The following MTMR7 variants were observed in gnomAD, a reference collection of about 807,000 sequenced individuals.
MTMR7 encodes the protein phosphatidylinositol-3-phosphate phosphatase MTMR7.
MTMR7 carries 76 observed loss-of-function variants against 81.2 expected under a neutral mutation model. The observed-to-expected ratio is 0.94, with a 90% CI of 0.78 to 1.13. The LOEUF (loss-of-function observed/expected upper bound fraction) is 1.13. MTMR7 is among the 50% of genes most tolerant of loss of function. The pLI is 0.00. For missense variants in MTMR7, 1,044 were observed against 820.0 expected (o/e 1.27, Z -3.34); for synonymous variants, 372 against 289.8 (o/e 1.28, Z -2.88).
intron 6 of MTMR7, among the ~76,000 whole-genome samples, chr8:17,336,905 G>A (rs1037003853): frequency 9.9e-5 from 15 of 152,178 alleles, no homozygotes; most frequent in African/African-American, 3.1e-4. Flanking sequence ...ATGGTCAAAC[G>A]GAGCGAGTGT....
At chr8:17,351,126 A>T (rs187326491) in intron 4 of MTMR7, among the ~76,000 whole-genome samples, 18 of 152,362 alleles carry the variant, frequency 1.2e-4, no homozygotes, top group African/African-American at 4.3e-4. Context: ...CAGACCAACA[A>T]CATTTTCCTA....
intron 7 of MTMR7, among the ~76,000 whole-genome samples, chr8:17,325,303 T>C (rs1818626361): frequency 1.3e-5 from 2 of 152,054 alleles, no homozygotes; most frequent in African/African-American, 4.8e-5. Context: ...CCACGACAAC[T>C]CCAAGTGCTC....
At chr8:17,325,593 G>C (rs983615360) in intron 7 of MTMR7, among the ~76,000 whole-genome samples, 1 of 152,156 alleles carries the variant, frequency 6.6e-6, no homozygotes, top group Non-Finnish European at 1.5e-5. Context: ...CTGACGCGGG[G>C]CCTGCGTCCC....
chr8:17,378,645 T>A (rs985315035), intron 1 of MTMR7, among the ~76,000 whole-genome samples: 10 of 152,220 alleles, frequency 6.6e-5, no homozygotes, highest in African/African-American at 2.4e-4. Flanking sequence ...ATACGAGGTA[T>A]TCATACTCTG....
chr8:17,355,312 A>C (rs1819857805), intron 4 of MTMR7, among the ~76,000 whole-genome samples: 1 of 152,186 alleles, frequency 6.6e-6, no homozygotes, highest in African/African-American at 2.4e-5. Flanking sequence ...TGATTACATG[A>C]GTCAGATACT....
chr8:17,331,183 C>T lies in MTMR7; in HGVS notation c.832G>A (p.Val278Ile), dbSNP rs1356144241. ...ATTTTCTGCAGACTGTTCCTCATGA[C>T]ATGGATGTTCTCTATCCCGATAAAC... is the stretch of plus-strand genomic sequence containing the variant. Reference protein sequence around the residue: ...FQFIGIENIHVMRNSLQKMLE... With the variant: ...FQFIGIENIHIMRNSLQKMLE... The change falls in exon 7 of 14, where the codon GTC becomes ATC. Residue 278 changes from valine to isoleucine, a missense_variant. Coordinates refer to ENST00000180173, the MANE Select transcript of MTMR7 (RefSeq NM_004686.5). 6.2e-6 allele frequency: 10 copies of T among 1,612,658 alleles called. No individual in the cohort carries two copies. The highest frequency in any genetic ancestry group is 8.5e-6 in the Non-Finnish European group (10 of 1,179,626).
intron 12 of MTMR7, among the ~76,000 whole-genome samples, chr8:17,303,871 A>G (rs1409338800): frequency 6.6e-6 from 1 of 152,222 alleles, no homozygotes; most frequent in African/African-American, 2.4e-5. Flanking sequence ...CGGCTAATAC[A>G]TACAATCTTA....
At chr8:17,399,302 A>T (rs1179248713) in intron 1 of MTMR7, among the ~76,000 whole-genome samples, 3 of 152,214 alleles carry the variant, frequency 2.0e-5, no homozygotes, top group Non-Finnish European at 4.4e-5. Flanking sequence ...TACGAAATCA[A>T]AATACGAAAA....
intron 4 of MTMR7, 133 bp downstream of exon 4, chr8:17,360,984 G>C (rs981270199): frequency 3.0e-6 from 3 of 1,011,692 alleles, no homozygotes; most frequent in African/African-American, 3.2e-5. Flanking sequence ...CACTAACCAA[G>C]AGAGACCTGG....
chr8:17,397,711 G>T (rs906492758), intron 1 of MTMR7, among the ~76,000 whole-genome samples: 1 of 152,124 alleles, frequency 6.6e-6, no homozygotes, highest in Non-Finnish European at 1.5e-5. Context: ...TGGAGCCCTA[G>T]GGCCTTAAGT....
In MTMR7 at chr8:17,406,796, G is replaced by T. The variant is rs183695279; in HGVS notation, c.24+6473C>A. Among the ~76,000 whole-genome samples the T allele has an allele frequency of 1.8e-4, 28 of 152,216 alleles. No individual in the cohort carries two copies. In the East Asian group the frequency reaches 4.8e-3, roughly 26 times the overall value. On this transcript the variant is annotated intron_variant, in intron 1 of 13. Transcript: ENST00000180173. ...AGCCACAGAACAGATAAAACGAAAT[G>T]AAGTACTGATACATGCTACAACTTA... is the stretch of plus-strand genomic sequence containing the variant.
chr8:17,398,817 A>G (rs1227147307), intron 1 of MTMR7, among the ~76,000 whole-genome samples: 4 of 136,744 alleles, frequency 2.9e-5, no homozygotes, highest in Admixed American at 7.5e-5. Flanking sequence ...AGTTAAAAAG[A>G]AGGGGATATG....
chr8:17,332,712 A>C (rs1052017861), intron 6 of MTMR7, among the ~76,000 whole-genome samples: 5 of 152,252 alleles, frequency 3.3e-5, no homozygotes, highest in African/African-American at 1.2e-4. Flanking sequence ...CGAACCATTA[A>C]GTCAGAGACC....
chr8:17,382,301 G>A (rs1031515699), intron 1 of MTMR7, among the ~76,000 whole-genome samples: 1 of 152,178 alleles, frequency 6.6e-6, no homozygotes, highest in African/African-American at 2.4e-5. Context: ...CAGCCTGGAG[G>A]AACAAGCTGC....
chr8:17,296,804 C>G lies in MTMR7; in HGVS notation c.*3058G>C, dbSNP rs1053494349. 4 of 152,120 alleles carry G rather than the reference C, an allele frequency of 2.6e-5. No homozygotes were observed. The allele number at this position is 152,120 out of a possible 1,614,324, so 9.4% of individuals were successfully genotyped here. On this transcript the variant is annotated 3_prime_UTR_variant, in exon 14 of 14. Coordinates refer to ENST00000180173, the MANE Select transcript of MTMR7 (RefSeq NM_004686.5). The stretch of plus-strand genomic sequence containing the variant: ...ACATAATCACATGAGTAGTTCATCT[C>G]AGTGTTTTTTATTCTTTAAAGTTGA...
At chr8:17,386,981 C>A (rs953877661) in intron 1 of MTMR7, among the ~76,000 whole-genome samples, 2 of 152,190 alleles carry the variant, frequency 1.3e-5, no homozygotes, top group African/African-American at 2.4e-5. Context: ...ACTCTAGATA[C>A]ACCCTGATCA....
chr8:17,299,422 C>T lies in MTMR7; in HGVS notation c.*440G>A, dbSNP rs1309602872. 2 of 159,960 alleles carry T rather than the reference C, an allele frequency of 1.3e-5. No individual in the cohort carries two copies. The highest frequency in any genetic ancestry group is 2.8e-5 in the Non-Finnish European group (2 of 72,406). 9.9% of individuals were successfully genotyped at this position (159,960 alleles called of 1,614,324 possible). On this transcript the variant is annotated 3_prime_UTR_variant, in exon 14 of 14. Coordinates refer to ENST00000180173, the MANE Select transcript of MTMR7 (RefSeq NM_004686.5). The stretch of plus-strand genomic sequence containing the variant: ...TTTTTAGAAATATGTATAAGAGGGT[C>T]GGAAAGGAGGATAATGTCAGATGCT...
intron 1 of MTMR7, among the ~76,000 whole-genome samples, chr8:17,392,106 G>C (rs1264936688): frequency 1.3e-5 from 2 of 152,114 alleles, no homozygotes; most frequent in Admixed American, 1.3e-4. Flanking sequence ...TGGGTGTCTG[G>C]TCAAGAGGTT....
At position 17,390,506 on chromosome 8, in the gene MTMR7, C is replaced by T. The variant is rs139291159; in HGVS notation, c.25-17266G>A. Among the ~76,000 whole-genome samples, 248 of 152,226 alleles carry T rather than the reference C, an allele frequency of 1.6e-3. 10 individuals are homozygous for T. In the East Asian group the frequency reaches 0.034, roughly 21 times the overall value. ...AAGATATGGTGGAACTGTATCACCA[C>T]GTATGTGTGCCAGAAGATTCCTAGA... is the stretch of plus-strand genomic sequence containing the variant. On this transcript the variant is annotated intron_variant, in intron 1 of 13. Coordinates refer to ENST00000180173, the MANE Select transcript of MTMR7 (RefSeq NM_004686.5).
Sources: allele counts gnomAD v4.1 joint callset (sites outside exome capture counted in the v4.1 genomes callset), GRCh38; gene constraint gnomAD v4.1.1; transcripts MANE v1.5; gene names NCBI Gene and HGNC (gene_info 2026-07-23, HGNC 2026-07-21).